DLGAP2: variants seen among roughly 807,000 people sequenced by gnomAD.
DLGAP2 encodes disks large-associated protein 2.
Under a neutral mutation model 100.3 loss-of-function variants are expected in DLGAP2, and 26 were observed. The ratio of observed to expected loss-of-function variants is 0.26; its 90% CI spans 0.19 to 0.36. The LOEUF is 0.36. Ranked by LOEUF, DLGAP2 falls within the 10% of genes least tolerant of loss-of-function variation. The pLI is 1.00. For missense variants in DLGAP2, 1,858 were observed against 1,453.2 expected (o/e 1.28, Z -4.53); for synonymous variants, 886 against 630.1 (o/e 1.41, Z -6.08).
chr8:1,515,775 A>T (rs1432630809), intron 4 of DLGAP2, among the ~76,000 whole-genome samples: 1 of 152,006 alleles, frequency 6.6e-6, no homozygotes, highest in Non-Finnish European at 1.5e-5. Flanking sequence ...CATACAACAC[A>T]TACAACACAC....
intron 12 of DLGAP2, among the ~76,000 whole-genome samples, chr8:1,683,856 A>ATATATATATATATATATATATATGTGTG (rs1467438870): frequency 1.6e-5 from 1 of 62,226 alleles, no homozygotes; most frequent in African/African-American, 8.4e-5. Flanking sequence ...ATATATATAT[A>ATATATATATATATATATATATATGTGTG]TGTGTGTGTG....
intron 3 of DLGAP2, chr8:1,302,550 G>A (rs1009952633): frequency 1.3e-4 from 20 of 152,042 alleles, no homozygotes; most frequent in African/African-American, 4.3e-4. Context: ...ACTGGACTCA[G>A]TATTTTATGT....
intron 4 of DLGAP2, among the ~76,000 whole-genome samples, chr8:1,527,291 C>T (rs901011732): frequency 6.6e-6 from 1 of 152,254 alleles, no homozygotes; most frequent in Non-Finnish European, 1.5e-5. Context: ...GTGACACCAC[C>T]ATCCACCCGG....
intron 4 of DLGAP2, among the ~76,000 whole-genome samples, chr8:1,518,387 GT>G (rs1800469649): frequency 6.6e-6 from 1 of 152,168 alleles, no homozygotes; most frequent in Admixed American, 6.5e-5. Flanking sequence ...CCGAGTGGAG[GT>G]TTAAGATGGA....
intron 1 of DLGAP2, among the ~76,000 whole-genome samples, chr8:862,941 C>G (rs1797420666): frequency 6.6e-6 from 1 of 152,202 alleles, no homozygotes; most frequent in Non-Finnish European, 1.5e-5. Context: ...TCCACTGCCA[C>G]AGAGGATATG....
intron 2 of DLGAP2, among the ~76,000 whole-genome samples, chr8:924,607 G>A (rs1308601187): frequency 2.0e-5 from 3 of 151,414 alleles, no homozygotes; most frequent in African/African-American, 4.9e-5. Context: ...TTTTTGAGAC[G>A]GAGTTTTGCT....
In DLGAP2 at chr8:1,311,459, G is replaced by A. The variant is rs547387825; in HGVS notation, c.106+52576G>A. On this transcript the variant is annotated intron_variant, in intron 3 of 14. Coordinates refer to ENST00000637795, the MANE Select transcript of DLGAP2 (RefSeq NM_001346810.2). ...CAGCATTACCGTGGTAGCTGAGCCC[G>A]ATAAAAATGGTCATAGAAGAGAAAA... Among the ~76,000 whole-genome samples the A allele has an allele frequency of 1.1e-4, 17 of 152,240 alleles. No homozygotes were observed. The South Asian group carries it at 3.1e-3, about 28-fold the overall frequency.
chr8:1,525,512 A>C (rs1800764265), intron 4 of DLGAP2, among the ~76,000 whole-genome samples: 1 of 152,206 alleles, frequency 6.6e-6, no homozygotes. Context: ...GCAGACCCCA[A>C]AGCTGCGGTC....
At chr8:1,037,078 G>A (rs890485608) in intron 2 of DLGAP2, among the ~76,000 whole-genome samples, 1 of 152,120 alleles carries the variant, frequency 6.6e-6, no homozygotes, top group Non-Finnish European at 1.5e-5. Context: ...CAGGCATGCT[G>A]TGTCCCTGGA....
chr8:1,461,297 C>T (rs1166585571), intron 3 of DLGAP2, among the ~76,000 whole-genome samples: 2 of 62,708 alleles, frequency 3.2e-5, no homozygotes, highest in Non-Finnish European at 3.0e-5. Context: ...GATTCGGTGG[C>T]CAGGAGGAGG....
At chr8:819,434 G>C (rs186914727) in intron 1 of DLGAP2, among the ~76,000 whole-genome samples, 1 of 152,202 alleles carries the variant, frequency 6.6e-6, no homozygotes, top group African/African-American at 2.4e-5. Context: ...AAATGCTAAA[G>C]TATGGAGCAA....
chr8:1,334,879 A>T (rs1381302630), intron 3 of DLGAP2, among the ~76,000 whole-genome samples: 1 of 152,028 alleles, frequency 6.6e-6, no homozygotes, highest in African/African-American at 2.4e-5. Context: ...CTTTCCTCTG[A>T]ATGTTCTTTC....
chr8:1,428,719 C>G lies in DLGAP2; in HGVS notation c.107-72647C>G, dbSNP rs188218631. On this transcript the variant is annotated intron_variant, in intron 3 of 14. Coordinates refer to ENST00000637795, the MANE Select transcript of DLGAP2 (RefSeq NM_001346810.2). ...GTTTATCTCAGGAATGCAAGGATGG[C>G]TCAGTGCCAGCAAATGTGTCAAGTG... is the stretch of plus-strand genomic sequence containing the variant. 1.2e-4 allele frequency among the ~76,000 whole-genome samples: 18 copies of G among 152,322 alleles called. 1 individual carries two copies. Among genetic ancestry groups the G allele is most frequent in the Middle Eastern group, 6.8e-3 (2 of 294 alleles).
rs1394445742 is a variant in DLGAP2 at position 934,362 on chromosome 8, G to A, written c.73+26396G>A. Among the ~76,000 whole-genome samples, 6 of 151,924 alleles carry A rather than the reference G, an allele frequency of 3.9e-5. No individual in the cohort carries two copies. The South Asian group carries it at 1.3e-3, about 32-fold the overall frequency. Reference sequence around the variant, plus strand: ...CACCTGGCCGTGGGCACGAGGGGAGGGTGAGGGCAGAGACTGCTGTGGAGA... The same window carrying A: ...CACCTGGCCGTGGGCACGAGGGGAGAGTGAGGGCAGAGACTGCTGTGGAGA... On this transcript the variant is annotated intron_variant, in intron 2 of 14. Transcript: ENST00000637795.
At chr8:1,322,052 G>A (rs1003941529) in intron 3 of DLGAP2, among the ~76,000 whole-genome samples, 3 of 152,036 alleles carry the variant, frequency 2.0e-5, no homozygotes, top group Non-Finnish European at 4.4e-5. Flanking sequence ...AATTTTGTAA[G>A]TGAGCCAACA....
intron 2 of DLGAP2, among the ~76,000 whole-genome samples, chr8:1,200,074 GGGAAGCT>G (rs1302800794): frequency 6.6e-6 from 1 of 152,180 alleles, no homozygotes; most frequent in Non-Finnish European, 1.5e-5. Flanking sequence ...ACTCCGTACA[GGGAAGCT>G]GGGATGGATG....
At chr8:925,456 G>A (rs1798793453) in intron 2 of DLGAP2, among the ~76,000 whole-genome samples, 1 of 152,150 alleles carries the variant, frequency 6.6e-6, no homozygotes, top group Admixed American at 6.5e-5. Context: ...GTTCTGTGTG[G>A]AGGCTGGACA....
intron 1 of DLGAP2, among the ~76,000 whole-genome samples, chr8:775,193 T>C (rs1457077836): frequency 6.6e-6 from 1 of 151,134 alleles, no homozygotes; most frequent in Non-Finnish European, 1.5e-5. Flanking sequence ...TTTTGTACAT[T>C]GATTTTGTAT....
chr8:1,214,923 C>G (rs186620800), intron 2 of DLGAP2, among the ~76,000 whole-genome samples: 10 of 152,348 alleles, frequency 6.6e-5, no homozygotes, highest in African/African-American at 2.4e-4. Flanking sequence ...CTTCCCTCCT[C>G]TGGCTGAAAC....
Sources: gnomAD v4.1 joint callset for allele counts (sites outside exome capture counted in the v4.1 genomes callset) on GRCh38, gnomAD v4.1.1 for gene constraint, MANE v1.5 for transcripts, NCBI Gene and HGNC (gene_info 2026-07-23, HGNC 2026-07-21) for gene names.